Variants in LRTM3 observed in about 807,000 individuals in gnomAD.
LRTM3 encodes the protein leucine rich repeat transmembrane protein 3.
the LRTM3 span, among the ~76,000 whole-genome samples, chr13:102,755,216 C>G: frequency 4.0e-5 from 6 of 149,700 alleles, no homozygotes; most frequent in Admixed American, 3.3e-4. Flanking sequence ...CTCCTCTCTG[C>G]CCCCCCAGCT....
chr13:102,730,807 A>T, the LRTM3 span: 1 of 1,551,602 alleles, frequency 6.4e-7, no homozygotes. Flanking sequence ...TACTTCCAAC[A>T]GGAAGCCCCA....
At chr13:102,737,891 A>G in the LRTM3 span, 1 of 1,550,798 alleles carries the variant, frequency 6.4e-7, no homozygotes, top group Non-Finnish European at 8.7e-7. Flanking sequence ...AGGCAAATAT[A>G]GGAACAGAAC....
the LRTM3 span, chr13:102,740,737 T>A: frequency 6.5e-7 from 1 of 1,548,722 alleles, no homozygotes; most frequent in Non-Finnish European, 8.7e-7. Context: ...GAGCCTTGTA[T>A]GTATATTTTT....
chr13:102,736,831 A>T, the LRTM3 span: 1 of 1,551,072 alleles, frequency 6.4e-7, no homozygotes, highest in African/African-American at 1.4e-5. Flanking sequence ...TGTTTGAATC[A>T]CCTGTGATAT....
chr13:102,742,362 T>C, the LRTM3 span: 2 of 1,547,706 alleles, frequency 1.3e-6, no homozygotes, highest in East Asian at 4.9e-5. Context: ...TTAGGAGAAA[T>C]AGATGTGTAG....
At chr13:102,743,771 A>C in the LRTM3 span, 1 of 1,550,296 alleles carries the variant, frequency 6.5e-7, no homozygotes, top group South Asian at 1.2e-5. Context: ...GATTTTATGT[A>C]TCTGTGAAAT....
At chr13:102,739,271 T>G in the LRTM3 span, 1 of 1,550,286 alleles carries the variant, frequency 6.5e-7, no homozygotes, top group Non-Finnish European at 8.7e-7. Flanking sequence ...AGTGATACAT[T>G]TGAGGCCCAT....
the LRTM3 span, chr13:102,744,561 G>A: frequency 6.4e-7 from 1 of 1,550,478 alleles, no homozygotes; most frequent in Non-Finnish European, 8.7e-7. Flanking sequence ...TCTCTAAAGT[G>A]TGTTTCTTGC....
chr13:102,732,812 T>C, the LRTM3 span: 23 of 1,551,438 alleles, frequency 1.5e-5, no homozygotes, highest in South Asian at 2.6e-4. Context: ...TTCTTTCTGA[T>C]TCACAGTACT....
the LRTM3 span, chr13:102,748,570 C>T: frequency 1.7e-5 from 27 of 1,550,616 alleles, no homozygotes; most frequent in East Asian, 9.8e-5. Context: ...TTCTATTGTT[C>T]GATTCCATTT....
chr13:102,729,552 G>A, the LRTM3 span: 1 of 1,515,470 alleles, frequency 6.6e-7, no homozygotes, highest in Non-Finnish European at 8.8e-7. Flanking sequence ...GCCACTAGGG[G>A]AATTCTGAAG....
chr13:102,740,008 A>G, the LRTM3 span: 2 of 1,550,340 alleles, frequency 1.3e-6, no homozygotes, highest in Non-Finnish European at 1.7e-6. Flanking sequence ...CTTTCCTAAT[A>G]ACTTGTTCTA....
chr13:102,741,101 A>G, the LRTM3 span: 1 of 1,550,088 alleles, frequency 6.5e-7, no homozygotes, highest in Non-Finnish European at 8.7e-7. Context: ...TTGATGCAAT[A>G]TGCAAGGGAG....
the LRTM3 span, chr13:102,758,842 A>T: frequency 6.5e-7 from 1 of 1,549,942 alleles, no homozygotes; most frequent in Non-Finnish European, 8.7e-7. Flanking sequence ...TGAATAATCC[A>T]GGACTCTAGA....
the LRTM3 span, chr13:102,741,892 T>C: frequency 1.3e-6 from 2 of 1,550,386 alleles, no homozygotes; most frequent in Non-Finnish European, 1.7e-6. Context: ...TCCTTAACGG[T>C]CCAATATAGT....
the LRTM3 span, chr13:102,731,291 A>G: frequency 6.4e-7 from 1 of 1,551,350 alleles, no homozygotes; most frequent in Non-Finnish European, 8.7e-7. Context: ...TTCTAGAGAC[A>G]TAAAGTTCAT....
chr13:102,735,913 T>TC, the LRTM3 span: 1 of 1,541,480 alleles, frequency 6.5e-7, no homozygotes, highest in Non-Finnish European at 8.8e-7. Context: ...TTTCCTGTAC[T>TC]CCTTCCCCTT....
At chr13:102,755,184 A>C in the LRTM3 span, among the ~76,000 whole-genome samples, 1 of 151,624 alleles carries the variant, frequency 6.6e-6, no homozygotes, top group Non-Finnish European at 1.5e-5. Flanking sequence ...ACACCACTAC[A>C]CCTGCAACTC....
the LRTM3 span, among the ~76,000 whole-genome samples, chr13:102,751,301 A>G: frequency 6.6e-6 from 1 of 151,268 alleles, no homozygotes; most frequent in African/African-American, 2.4e-5. Flanking sequence ...ACAATTGCTT[A>G]AGCCAATTAT....
Sources: allele counts gnomAD v4.1 joint callset (sites outside exome capture counted in the v4.1 genomes callset), GRCh38; gene constraint gnomAD v4.1.1; transcripts MANE v1.5; gene names NCBI Gene and HGNC (gene_info 2026-07-23, HGNC 2026-07-21).